The following EHHADH variants were observed in gnomAD, a reference collection of about 807,000 sequenced individuals.
EHHADH encodes enoyl-CoA hydratase and 3-hydroxyacyl CoA dehydrogenase, also known as peroxisomal bifunctional enzyme.
EHHADH carries 48 observed loss-of-function variants against 64.4 expected under a neutral mutation model. The observed-to-expected ratio is 0.75, with a 90% confidence interval of 0.59 to 0.95. EHHADH has a LOEUF of 0.95. EHHADH is among the 40% of genes least tolerant of loss of function. The pLI is 0.00. For synonymous variants in EHHADH, 308 were observed against 326.7 expected (o/e 0.94, Z 0.62); for missense variants, 854 against 876.6 (o/e 0.97, Z 0.33).
At chr3:185,246,300 G>T in intron 2 of EHHADH, 2 of 783,208 alleles carry the variant, frequency 2.6e-6, no homozygotes, top group Admixed American at 5.5e-5. Context: ...TTTGTCCTCA[G>T]TTGGCTCTGG....
intron 2 of EHHADH, among the ~76,000 whole-genome samples, chr3:185,242,629 C>T (rs980910492): frequency 3.9e-5 from 6 of 152,106 alleles, no homozygotes; most frequent in Non-Finnish European, 5.9e-5. Flanking sequence ...CTGCCTCTGC[C>T]GAGTCATGCA....
intron 5 of EHHADH, among the ~76,000 whole-genome samples, chr3:185,208,338 A>G (rs1010227164): frequency 3.9e-5 from 6 of 152,238 alleles, no homozygotes; most frequent in Non-Finnish European, 8.8e-5. Context: ...TGAGATGACT[A>G]CAGCCACAGA....
intron 3 of EHHADH, among the ~76,000 whole-genome samples, chr3:185,230,374 T>C (rs1389814097): frequency 6.6e-6 from 1 of 152,190 alleles, no homozygotes; most frequent in Non-Finnish European, 1.5e-5. Context: ...ATACAGATTT[T>C]CATGGCACCA....
At chr3:185,246,505 G>A (rs1009988828) in intron 2 of EHHADH, 13 of 309,548 alleles carry the variant, frequency 4.2e-5, no homozygotes, top group Admixed American at 3.9e-4. Flanking sequence ...CAGGCCCCGT[G>A]GCAGCGCTGC....
chr3:185,196,108 G>A (rs956590295), intron 6 of EHHADH, among the ~76,000 whole-genome samples: 2 of 152,072 alleles, frequency 1.3e-5, no homozygotes, highest in Non-Finnish European at 2.9e-5. Context: ...AGAATCAACT[G>A]TCTTCCACAG....
intron 5 of EHHADH, among the ~76,000 whole-genome samples, chr3:185,208,379 C>G (rs1378339225): frequency 1.3e-5 from 2 of 152,212 alleles, no homozygotes; most frequent in African/African-American, 4.8e-5. Flanking sequence ...TGTTTGAAAT[C>G]TGAAAGCCAG....
intron 4 of EHHADH, among the ~76,000 whole-genome samples, chr3:185,223,073 A>AT (rs1265534134): frequency 3.3e-5 from 5 of 151,918 alleles, no homozygotes; most frequent in African/African-American, 7.2e-5. Flanking sequence ...AATTTCTTCT[A>AT]TTTTTTCTTT....
chr3:185,229,368 T>C (rs1719091773), intron 4 of EHHADH, 64 bp downstream of exon 4: 3 of 1,103,722 alleles, frequency 2.7e-6, no homozygotes, highest in Non-Finnish European at 3.6e-6. Context: ...AGCCAGAATT[T>C]TTCTAAATCC....
At chr3:185,232,198 A>G (rs530811974) in intron 3 of EHHADH, among the ~76,000 whole-genome samples, 2 of 152,262 alleles carry the variant, frequency 1.3e-5, no homozygotes, top group South Asian at 2.1e-4. Flanking sequence ...CCTGTCTTAC[A>G]TGAGGTTTTC....
intron 6 of EHHADH, among the ~76,000 whole-genome samples, chr3:185,199,954 C>T (rs1035966719): frequency 6.6e-6 from 1 of 152,126 alleles, no homozygotes; most frequent in Non-Finnish European, 1.5e-5. Context: ...GTAGTTGCAA[C>T]AGAGACTGTA....
rs1231280715 is a variant in EHHADH at position 185,191,735 on chromosome 3, C to A, written c.*491G>T. ...AGGCTTGCCACACTAACCTAAGTTC[C>A]CTGTGCTGGTTTGAAGTACTCAGTT... On this transcript the variant is annotated 3_prime_UTR_variant, in exon 7 of 7. Transcript: ENST00000231887. The A allele has an allele frequency of 1.3e-5, 2 of 157,128 alleles. No individual in the cohort carries two copies. Among genetic ancestry groups the A allele is most frequent in the African/African-American group, 4.8e-5 (2 of 41,448 alleles). The allele number at this position is 157,128 out of a possible 1,614,324, so 9.7% of individuals were successfully genotyped here. A position where few individuals can be genotyped will look rare whatever the true frequency, so the allele number is the denominator to read the frequency against.
chr3:185,211,527 C>T (rs753373666), intron 5 of EHHADH, among the ~76,000 whole-genome samples: 15 of 152,146 alleles, frequency 9.9e-5, no homozygotes, highest in Admixed American at 2.0e-4. Flanking sequence ...ATGCGGTTCA[C>T]GGAAATCGTG....
chr3:185,233,874 G>A (rs1023785131), intron 3 of EHHADH, among the ~76,000 whole-genome samples: 23 of 152,104 alleles, frequency 1.5e-4, no homozygotes, highest in Non-Finnish European at 1.8e-4. Flanking sequence ...TCGATCTCCT[G>A]ACTTTGTGAT....
At chr3:185,233,527 T>G (rs972909885) in intron 3 of EHHADH, among the ~76,000 whole-genome samples, 7 of 152,216 alleles carry the variant, frequency 4.6e-5, no homozygotes, top group African/African-American at 1.7e-4. Flanking sequence ...ATAAGTGTAT[T>G]AAGTTCTCTA....
At position 185,229,398 on chromosome 3, in the gene EHHADH, A is replaced by C. The variant is rs191668526; in HGVS notation, c.463+34T>G. 3.0e-4 allele frequency: 398 copies of C among 1,313,422 alleles called. 2 individuals are homozygous for C. Among genetic ancestry groups the C allele is most frequent in the Non-Finnish European group, 4.6e-5 (46 of 996,324 alleles). 81.4% of individuals were successfully genotyped at this position (1,313,422 alleles called of 1,614,324 possible). A position where few individuals can be genotyped will look rare whatever the true frequency, so the allele number is the denominator to read the frequency against. On this transcript the variant is annotated intron_variant, in intron 4 of 6. Coordinates refer to ENST00000231887, the MANE Select transcript of EHHADH (RefSeq NM_001966.4). ...AAATCCTAGTCCAATTCTTCACACT[A>C]ATCTAGACAGTTGTTGCCAAGGTCT...
chr3:185,245,123 AT>A (rs138951864), intron 2 of EHHADH, among the ~76,000 whole-genome samples: 8,698 of 151,894 alleles, frequency 0.057, 328 homozygotes, highest in Admixed American at 0.084. Flanking sequence ...TTGAGAAGCT[AT>A]TTTTTTTACA....
rs1298062223 is a variant in EHHADH, at chr3:185,193,475, A to G, written c.923T>C (p.Met308Thr). Reference sequence around the variant, plus strand: ...AAAAGAAATGACAATGCCTCGGCCCATTGTTCCCAAGCCTGCAGATAAAAA... The same window carrying G: ...AAAAGAAATGACAATGCCTCGGCCCGTTGTTCCCAAGCCTGCAGATAAAAA... ...SSVGVVGLGTMGRGIVISFAR... is the reference protein window; with the variant it reads ...SSVGVVGLGTTGRGIVISFAR... The change falls in exon 7 of 7, where the codon ATG becomes ACG. Residue 308 changes from methionine to threonine, a missense_variant. Physicochemically the swap from Met to Thr is moderately conservative, Grantham distance 81. Coordinates refer to ENST00000231887, the MANE Select transcript of EHHADH (RefSeq NM_001966.4). The G allele has an allele frequency of 6.2e-7, 1 of 1,613,788 alleles. No individual in the cohort carries two copies. The highest frequency in any genetic ancestry group is 8.5e-7 in the Non-Finnish European group (1 of 1,179,948).
chr3:185,205,890 G>T (rs1718375248), intron 5 of EHHADH, among the ~76,000 whole-genome samples: 1 of 152,072 alleles, frequency 6.6e-6, no homozygotes, highest in African/African-American at 2.4e-5. Flanking sequence ...TCTGGCTAAA[G>T]GGTCTGAGAT....
chr3:185,245,561 G>T, intron 2 of EHHADH: 1 of 888,636 alleles, frequency 1.1e-6, no homozygotes, highest in Non-Finnish European at 1.8e-6. Context: ...GTTTCACACT[G>T]TAGGAAATAA....
Sources: allele counts gnomAD v4.1 joint callset (sites outside exome capture counted in the v4.1 genomes callset), GRCh38; gene constraint gnomAD v4.1.1; transcripts MANE v1.5; gene names NCBI Gene and HGNC (gene_info 2026-07-23, HGNC 2026-07-21).